Variants in ARHGEF28 observed in about 807,000 individuals in gnomAD.
ARHGEF28 encodes the protein 190 kDa guanine nucleotide exchange factor.
ARHGEF28 carries 152 observed loss-of-function variants against 206.6 expected under a neutral mutation model. The ratio of observed to expected loss-of-function variants is 0.74; its 90% CI spans 0.64 to 0.84. The LOEUF is 0.84. Among genes scored for constraint, ARHGEF28 ranks in the 40% least tolerant of loss-of-function variants. ARHGEF28 has a pLI of 0.00. For missense variants in ARHGEF28, 2,028 were observed against 2,073.2 expected (o/e 0.98, Z 0.42); for synonymous variants, 763 against 776.4 (o/e 0.98, Z 0.29).
chr5:73,864,891 G>A lies in ARHGEF28; in HGVS notation c.2103+19G>A, dbSNP rs1272996068. ...CACCAAGGTAATTGCTCAGTGATCT[G>A]TGAATATATATGTGGCATGGTTGCT... On this transcript the variant is annotated intron_variant, in intron 17 of 35. Transcript: ENST00000513042. The A allele has an allele frequency of 6.2e-7, 1 of 1,610,342 alleles. No homozygotes were observed. Among genetic ancestry groups the A allele is most frequent in the Non-Finnish European group, 8.5e-7 (1 of 1,177,508 alleles).
At chr5:73,902,352 T>C (rs1762317300) in intron 31 of ARHGEF28, 1 of 152,166 alleles carries the variant, frequency 6.6e-6, no homozygotes, top group Admixed American at 6.5e-5. Context: ...ACTGTGTTAA[T>C]AGAAAAGAGA....
At chr5:73,924,145 A>G (rs1763674495) in intron 35 of ARHGEF28, among the ~76,000 whole-genome samples, 1 of 152,178 alleles carries the variant, frequency 6.6e-6, no homozygotes, top group Non-Finnish European at 1.5e-5. Context: ...CACTTTTCCA[A>G]TGTAATGAGC....
intron 35 of ARHGEF28, among the ~76,000 whole-genome samples, chr5:73,918,533 T>C (rs1763343640): frequency 6.6e-6 from 1 of 152,240 alleles, no homozygotes; most frequent in Non-Finnish European, 1.5e-5. Flanking sequence ...TTATAATGAT[T>C]TTGTGAAATG....
intron 1 of ARHGEF28, among the ~76,000 whole-genome samples, chr5:73,653,350 G>A (rs1744953101): frequency 6.6e-6 from 1 of 152,206 alleles, no homozygotes; most frequent in South Asian, 2.1e-4. Context: ...CGTATTTTAT[G>A]GAGGTGTCTG....
intron 1 of ARHGEF28, among the ~76,000 whole-genome samples, chr5:73,670,750 T>G (rs1746251575): frequency 6.6e-6 from 1 of 152,266 alleles, no homozygotes; most frequent in African/African-American, 2.4e-5. Flanking sequence ...GCTAATGATG[T>G]TGAAAATATT....
Position 73,909,470 on chromosome 5 carries a change from A to G in ARHGEF28, c.4220A>G (p.Gln1407Arg). ...ATCCACAGGCTGGTTCTCCAGCAGC[A>G]GGAGGGCCTGTCTCTCGGCCACTCT... ...IEIHRLVLQQQEGLSLGHSIL... is the reference protein window; with the variant it reads ...IEIHRLVLQQREGLSLGHSIL... Residue 1407 changes from glutamine to arginine, a missense_variant, in exon 34 of 36, where the codon CAG becomes CGG. By Grantham distance (43) the Gln-to-Arg change is conservative. Coordinates refer to ENST00000513042, the MANE Select transcript of ARHGEF28 (RefSeq NM_001177693.2). 1 of 1,613,022 alleles carries G rather than the reference A, an allele frequency of 6.2e-7. No individual in the cohort carries two copies. Among genetic ancestry groups the G allele is most frequent in the Non-Finnish European group, 8.5e-7 (1 of 1,179,724 alleles).
intron 4 of ARHGEF28, among the ~76,000 whole-genome samples, chr5:73,762,138 A>G (rs1181647723): frequency 1.3e-5 from 2 of 151,466 alleles, no homozygotes; most frequent in East Asian, 2.0e-4. Flanking sequence ...GGCTGGTTCT[A>G]TCTTTCCTTG....
intron 2 of ARHGEF28, among the ~76,000 whole-genome samples, chr5:73,741,339 A>ATGTGTGTG (rs1469338639): frequency 7.0e-4 from 56 of 80,438 alleles, no homozygotes; most frequent in Non-Finnish European, 1.1e-3. Flanking sequence ...TTTTAAATTT[A>ATGTGTGTG]TATGTGTGTG....
At chr5:73,702,063 T>C (rs1323368555) in intron 2 of ARHGEF28, among the ~76,000 whole-genome samples, 1 of 152,212 alleles carries the variant, frequency 6.6e-6, no homozygotes, top group East Asian at 1.9e-4. Flanking sequence ...GTATGTTTAG[T>C]TTTTAAAGGA....
At chr5:73,766,382 T>G (rs1053204716) in intron 4 of ARHGEF28, among the ~76,000 whole-genome samples, 1 of 152,230 alleles carries the variant, frequency 6.6e-6, no homozygotes, top group Non-Finnish European at 1.5e-5. Flanking sequence ...CTTTCCTGGT[T>G]TAGCAGTAAG....
intron 2 of ARHGEF28, among the ~76,000 whole-genome samples, chr5:73,686,496 GTTTTTCT>G (rs1747478885): frequency 6.6e-6 from 1 of 150,934 alleles, no homozygotes; most frequent in Non-Finnish European, 1.5e-5. Flanking sequence ...ACAAAAACAA[GTTTTTCT>G]TTTTTCTTTT....
At chr5:73,803,236 A>G (rs1446398959) in intron 9 of ARHGEF28, 2 of 159,178 alleles carry the variant, frequency 1.3e-5, no homozygotes, top group African/African-American at 4.8e-5. Context: ...GATACTTCTG[A>G]TTAGTTGTGC....
In ARHGEF28 at chr5:73,872,754, G is replaced by A. The variant is rs2973550; in HGVS notation, c.2567-245G>A. ...AGTTATATTATTGAGTTTCAGATAC[G>A]TTAGATTCTTGTATATTGGACTTGA... On this transcript the variant is annotated intron_variant, in intron 21 of 35. Coordinates refer to ENST00000513042, the MANE Select transcript of ARHGEF28 (RefSeq NM_001177693.2). Among the ~76,000 whole-genome samples the A allele has an allele frequency of 0.6, 91,294 of 152,014 alleles. 28,049 individuals are homozygous for A. Among genetic ancestry groups the A allele is most frequent in the African/African-American group, 0.72 (29,704 of 41,496 alleles).
At chr5:73,932,800 CTTTTTTTTTTT>C (rs386404110) in intron 35 of ARHGEF28, among the ~76,000 whole-genome samples, 19 of 73,422 alleles carry the variant, frequency 2.6e-4, no homozygotes, top group Admixed American at 1.6e-3. Flanking sequence ...TTTCCTATTT[CTTTTTTTTTTT>C]TTTTTTTTTT....
intron 33 of ARHGEF28, among the ~76,000 whole-genome samples, chr5:73,906,426 G>T (rs1163099261): frequency 6.6e-6 from 1 of 152,034 alleles, no homozygotes; most frequent in African/African-American, 2.4e-5. Flanking sequence ...TCACCATGTT[G>T]CCCAGGCTGC....
At chr5:73,863,513 T>C (rs1759521448) in intron 16 of ARHGEF28, among the ~76,000 whole-genome samples, 1 of 152,066 alleles carries the variant, frequency 6.6e-6, no homozygotes, top group Non-Finnish European at 1.5e-5. Context: ...TTGTCTCTTT[T>C]CCTTCCTTGC....
chr5:73,847,301 C>T (rs1042556219), intron 12 of ARHGEF28, among the ~76,000 whole-genome samples: 5 of 152,054 alleles, frequency 3.3e-5, no homozygotes, highest in Non-Finnish European at 7.4e-5. Context: ...TATATAATTG[C>T]CTCATAACTC....
At chr5:73,897,807 T>C (rs1408105433) in intron 29 of ARHGEF28, among the ~76,000 whole-genome samples, 155 bp from the exon 30 acceptor site, 1 of 152,266 alleles carries the variant, frequency 6.6e-6, no homozygotes, top group Non-Finnish European at 1.5e-5. Flanking sequence ...CACATGCCCA[T>C]GTTTTGACAA....
At chr5:73,930,540 T>C (rs1269829800) in intron 35 of ARHGEF28, among the ~76,000 whole-genome samples, 1 of 152,236 alleles carries the variant, frequency 6.6e-6, no homozygotes, top group Non-Finnish European at 1.5e-5. Flanking sequence ...AGAGAAATCA[T>C]GTTTACAATG....
Sources: gnomAD v4.1 joint callset for allele counts (sites outside exome capture counted in the v4.1 genomes callset) on GRCh38, gnomAD v4.1.1 for gene constraint, MANE v1.5 for transcripts, NCBI Gene and HGNC (gene_info 2026-07-23, HGNC 2026-07-21) for gene names.